Variants in PEX5L observed in about 807,000 individuals in gnomAD.
PEX5L encodes peroxisomal biogenesis factor 5 like.
In PEX5L, 30 loss-of-function variants were observed where a neutral mutation model predicts 84.0. The ratio of observed to expected loss-of-function variants is 0.36; its 90% CI spans 0.27 to 0.48. The LOEUF is 0.48. Among genes scored for constraint, PEX5L ranks in the 20% least tolerant of loss-of-function variants. The pLI, the probability that PEX5L is intolerant of heterozygous loss-of-function variation, is 0.99. For synonymous variants in PEX5L, 270 were observed against 283.1 expected (o/e 0.95, Z 0.46); for missense variants, 533 against 754.6 (o/e 0.71, Z 3.44).
At chr3:179,813,693 G>A (rs887841517) in intron 10 of PEX5L, among the ~76,000 whole-genome samples, 9 of 126,812 alleles carry the variant, frequency 7.1e-5, no homozygotes, top group African/African-American at 2.8e-4. Context: ...TTTTTGAGAC[G>A]GAGTCCCGCT....
intron 7 of PEX5L, among the ~76,000 whole-genome samples, chr3:179,864,872 A>G (rs1242273642): frequency 6.6e-6 from 1 of 152,208 alleles, no homozygotes; most frequent in Non-Finnish European, 1.5e-5. Flanking sequence ...AATGTCATGA[A>G]TGACCCATGA....
rs752614682 is a variant in PEX5L at position 179,875,460 on chromosome 3, C to T, written c.523G>A (p.Glu175Lys). ...SLDLDIQTQL[E>K]KWDDVKFHGD... Reference sequence around the variant, plus strand: ...TGAAACTTAACATCGTCCCATTTTTCCAGTTGTGTTTGAATGTCTAGTAAG... The same window carrying T: ...TGAAACTTAACATCGTCCCATTTTTTCAGTTGTGTTTGAATGTCTAGTAAG... The change falls in exon 6 of 15, where the codon GAA becomes AAA. Residue 175 changes from glutamate (E) to lysine (K), a missense_variant. This residue lies in a region of PEX5L where 259 missense variants were observed against 301.7 expected (regional missense o/e 0.86). Transcript: ENST00000467460. 1.2e-6 allele frequency: 2 copies of T among 1,613,752 alleles called. No homozygotes were observed. Among genetic ancestry groups the T allele is most frequent in the Non-Finnish European group, 1.7e-6 (2 of 1,179,928 alleles).
chr3:179,862,910 A>AG (rs1342198177), intron 7 of PEX5L, among the ~76,000 whole-genome samples: 47 of 152,202 alleles, frequency 3.1e-4, no homozygotes, highest in Admixed American at 3.0e-3. Context: ...ACAACATTGG[A>AG]GGGATAACAC....
intron 6 of PEX5L, among the ~76,000 whole-genome samples, chr3:179,874,738 GTT>G (rs3836472): frequency 4.3e-5 from 2 of 45,980 alleles, no homozygotes; most frequent in African/African-American, 1.9e-4. Context: ...TTTTTTTTTT[GTT>G]TTTTTTTTTT....
intron 1 of PEX5L, among the ~76,000 whole-genome samples, chr3:179,975,688 T>C (rs1785693578): frequency 6.6e-6 from 1 of 152,240 alleles, no homozygotes; most frequent in Non-Finnish European, 1.5e-5. Flanking sequence ...GTTTTCTTCA[T>C]GGTTGTCAGG....
intron 12 of PEX5L, among the ~76,000 whole-genome samples, chr3:179,809,034 A>T (rs111489359): frequency 7.9e-6 from 1 of 125,898 alleles, no homozygotes; most frequent in African/African-American, 3.0e-5. Flanking sequence ...AGATTGTGCC[A>T]CTGCACTCCA....
intron 14 of PEX5L, among the ~76,000 whole-genome samples, chr3:179,803,244 CTGTT>C (rs768459103): frequency 4.1e-4 from 62 of 152,200 alleles, no homozygotes; most frequent in South Asian, 3.9e-3. Flanking sequence ...TCCCACTAGA[CTGTT>C]TGTGTTTTGG....
chr3:179,823,040 C>T, intron 8 of PEX5L, among the ~76,000 whole-genome samples: 1 of 152,086 alleles, frequency 6.6e-6, no homozygotes, highest in East Asian at 1.9e-4. Flanking sequence ...GAAAATGCAT[C>T]CGTGGCATAA....
At chr3:179,915,467 T>C (rs763740236) in intron 2 of PEX5L, among the ~76,000 whole-genome samples, 12 of 152,204 alleles carry the variant, frequency 7.9e-5, no homozygotes, top group Non-Finnish European at 1.6e-4. Flanking sequence ...TCAGTGATAT[T>C]GAAACCAACA....
At chr3:179,836,708 T>C (rs1735090066) in intron 8 of PEX5L, among the ~76,000 whole-genome samples, 1 of 152,210 alleles carries the variant, frequency 6.6e-6, no homozygotes, top group South Asian at 2.1e-4. Context: ...ATTAGATCAT[T>C]TAACCAAATT....
rs1553807980 is a variant in PEX5L, at chr3:179,797,605, A to AAAAAATATATATATATATATATAT, written c.*4222_*4223insATATATATATATATATATATTTTT. ...AACACTCTTTAAAAAAAAAAAAAAA[A>AAAAAATATATATATATATATATAT]ATATATATATATATATATATATATA... On this transcript the variant is annotated 3_prime_UTR_variant, in exon 15 of 15. Transcript: ENST00000467460. 1.1e-5 allele frequency: 1 copy of AAAAAATATATATATATATATATAT among 89,174 alleles called. No homozygotes were observed. Among genetic ancestry groups the AAAAAATATATATATATATATATAT allele is most frequent in the African/African-American group, 4.5e-5 (1 of 22,200 alleles). 5.5% of individuals were successfully genotyped at this position (89,174 alleles called of 1,614,324 possible).
At chr3:179,894,526 C>T (rs1560579651) in intron 3 of PEX5L, among the ~76,000 whole-genome samples, 1 of 151,938 alleles carries the variant, frequency 6.6e-6, no homozygotes, top group Non-Finnish European at 1.5e-5. Context: ...GAATCTATTC[C>T]CAGGGAAATG....
chr3:179,858,889 T>C (rs571326584), intron 8 of PEX5L, among the ~76,000 whole-genome samples, 173 bp downstream of exon 8: 8 of 152,358 alleles, frequency 5.3e-5, no homozygotes, highest in African/African-American at 1.7e-4. Context: ...CTCTGGTACA[T>C]TGATTATACC....
intron 2 of PEX5L, among the ~76,000 whole-genome samples, chr3:179,918,576 TC>T (rs1768103826): frequency 1.3e-5 from 2 of 152,158 alleles, no homozygotes; most frequent in South Asian, 4.1e-4. Context: ...TAAGTTTCAG[TC>T]CTAGTACTTC....
intron 14 of PEX5L, among the ~76,000 whole-genome samples, chr3:179,805,011 C>T (rs1187208559): frequency 6.6e-6 from 1 of 151,706 alleles, no homozygotes; most frequent in Non-Finnish European, 1.5e-5. Context: ...CCCCGCTATT[C>T]TGGAGGCTGA....
intron 8 of PEX5L, among the ~76,000 whole-genome samples, chr3:179,844,937 A>G (rs913468940): frequency 6.6e-6 from 1 of 152,224 alleles, no homozygotes; most frequent in Admixed American, 6.5e-5. Flanking sequence ...ACACCTTGCT[A>G]TCATTACAGA....
At chr3:179,921,330 T>C (rs953708678) in intron 2 of PEX5L, among the ~76,000 whole-genome samples, 2 of 152,092 alleles carry the variant, frequency 1.3e-5, no homozygotes, top group Admixed American at 6.6e-5. Context: ...TAGAGCACAA[T>C]ACAACAAACA....
chr3:179,925,804 A>G (rs1190204947), intron 2 of PEX5L, among the ~76,000 whole-genome samples: 1 of 152,242 alleles, frequency 6.6e-6, no homozygotes, highest in Non-Finnish European at 1.5e-5. Flanking sequence ...TTATTCTAAT[A>G]TTCTGCCCAA....
At position 179,961,365 on chromosome 3, in the gene PEX5L, A is replaced by C. The variant is rs200448263; in HGVS notation, c.93+10229T>G. Among the ~76,000 whole-genome samples, 3 of 9,266 alleles carry C rather than the reference A, an allele frequency of 3.2e-4. No homozygotes were observed. The Admixed American group carries it at 5.0e-3, about 15-fold the overall frequency. The allele number at this position is 9,266 out of a possible 152,430, so 6.1% of individuals were successfully genotyped here. On this transcript the variant is annotated intron_variant, in intron 2 of 14. Transcript: ENST00000467460. ...GAAAAGGAAGAAAGCAATGGAGCAT[A>C]AAAAAAAAAACAGGTTTGCAAGAAC...
Sources: allele counts gnomAD v4.1 joint callset (sites outside exome capture counted in the v4.1 genomes callset), GRCh38; gene constraint gnomAD v4.1.1; regional missense constraint gnomAD v4.1.1; transcripts MANE v1.5; gene names NCBI Gene and HGNC (gene_info 2026-07-23, HGNC 2026-07-21).